Variants in IL1RAPL1 observed in about 807,000 individuals in gnomAD.
The protein encoded by IL1RAPL1 is interleukin 1 receptor accessory protein like 1.
In IL1RAPL1, 3 loss-of-function variants were observed where a neutral mutation model predicts 48.4. The observed-to-expected ratio is 0.06, with a 90% CI of 0.03 to 0.16. The LOEUF is 0.16. Among genes scored for constraint, IL1RAPL1 ranks in the 10% least tolerant of loss-of-function variants. The probability of loss-of-function intolerance (pLI) is 1.00; values close to 1 mark genes in which losing one functional copy is unlikely to be tolerated. For synonymous variants in IL1RAPL1, 185 were observed against 187.7 expected, an observed-to-expected ratio of 0.99 and a Z score of 0.12; for missense variants, 349 against 530.6, an observed-to-expected ratio of 0.66 and a Z score of 3.36.
At chrX:28,625,504 A>G (rs926258338) in intron 1 of IL1RAPL1, among the ~76,000 whole-genome samples, 4 of 111,654 alleles carry the variant, frequency 3.6e-5, no homozygotes, top group African/African-American at 1.3e-4. Flanking sequence ...AACACATGGG[A>G]AGGGCAGCTC....
At position 28,783,874 on chromosome X, in the gene IL1RAPL1, G is replaced by A. The variant is rs542368506; in HGVS notation, c.-24-5446G>A. ...ACTTTCCATGGATTCTTGAGAAGTC[G>A]TCTCTCATAACATGTATCCCTTTGC... is the stretch of plus-strand genomic sequence containing the variant. On this transcript the variant is annotated intron_variant, in intron 1 of 10. Transcript: ENST00000378993. 5.8e-4 allele frequency among the ~76,000 whole-genome samples: 64 copies of A among 111,226 alleles called. 1 individual carries two copies. In the South Asian group the frequency reaches 0.019, roughly 34 times the overall value.
chrX:29,151,879 C>G (rs2147499102), intron 2 of IL1RAPL1, among the ~76,000 whole-genome samples: 1 of 111,825 alleles, frequency 8.9e-6, no homozygotes, highest in South Asian at 3.8e-4. Context: ...AGAAAAGATA[C>G]TGGCCAGGGG....
intron 5 of IL1RAPL1, among the ~76,000 whole-genome samples, chrX:29,471,511 T>C (rs977841669): frequency 9.0e-6 from 1 of 111,250 alleles, no homozygotes; most frequent in African/African-American, 3.3e-5. Flanking sequence ...TGGGGAGACA[T>C]GTGCCCTTCT....
intron 5 of IL1RAPL1, among the ~76,000 whole-genome samples, chrX:29,626,643 G>A (rs1314731658): frequency 9.5e-6 from 1 of 105,210 alleles, no homozygotes; most frequent in Non-Finnish European, 1.9e-5. Context: ...ATTCTAAAAA[G>A]AGAGAGAAGA....
intron 2 of IL1RAPL1, among the ~76,000 whole-genome samples, chrX:29,002,388 G>A (rs1925875615): frequency 9.0e-6 from 1 of 110,951 alleles, no homozygotes; most frequent in African/African-American, 3.3e-5. Flanking sequence ...TGGAAGGAGG[G>A]AAGGCCAGTG....
At chrX:29,756,385 T>C (rs986569069) in intron 6 of IL1RAPL1, among the ~76,000 whole-genome samples, 2 of 111,856 alleles carry the variant, frequency 1.8e-5, no homozygotes, top group African/African-American at 6.5e-5. Flanking sequence ...TATTGTATTA[T>C]TTGAATTATT....
rs148441827 is a variant in IL1RAPL1 at position 29,573,851 on chromosome X, A to T, written c.704-94579A>T. Among the ~76,000 whole-genome samples, 7 of 111,932 alleles carry T rather than the reference A, an allele frequency of 6.3e-5. No homozygotes were observed. The East Asian group carries it at 2.0e-3, about 32-fold the overall frequency. On this transcript the variant is annotated intron_variant, in intron 5 of 10. Transcript: ENST00000378993. ...AATGGTATATGTCAACTATTTTATG[A>T]TAAAAATGTCCCCCGTGGATGGATG...
chrX:28,593,886 T>TA (rs1933928130), intron 1 of IL1RAPL1, among the ~76,000 whole-genome samples: 1 of 111,191 alleles, frequency 9.0e-6, no homozygotes, highest in Middle Eastern at 4.8e-3. Flanking sequence ...CCTTTTTAAT[T>TA]AAAAAAATTC....
At chrX:29,326,110 T>C (rs150164076) in intron 3 of IL1RAPL1, among the ~76,000 whole-genome samples, 169 of 112,442 alleles carry the variant, frequency 1.5e-3, no homozygotes, top group Middle Eastern at 9.3e-3. Flanking sequence ...TGTAGCTACA[T>C]AGAAACACCA....
chrX:29,429,828 A>G (rs1483064938), intron 5 of IL1RAPL1, among the ~76,000 whole-genome samples: 4 of 109,279 alleles, frequency 3.7e-5, no homozygotes, highest in African/African-American at 1.3e-4. Context: ...ACCTCATATC[A>G]GTCATTCATT....
At chrX:28,853,584 C>A (rs925691312) in intron 2 of IL1RAPL1, among the ~76,000 whole-genome samples, 4 of 111,256 alleles carry the variant, frequency 3.6e-5, no homozygotes, top group Non-Finnish European at 5.7e-5. Flanking sequence ...TAAATAAAGG[C>A]AGCCATAATG....
At chrX:28,964,236 C>A (rs1163358434) in intron 2 of IL1RAPL1, among the ~76,000 whole-genome samples, 1 of 111,643 alleles carries the variant, frequency 9.0e-6, no homozygotes, top group African/African-American at 3.2e-5. Flanking sequence ...GGAATAAACA[C>A]ATTTGAGACT....
chrX:28,660,322 C>T (rs1934808211), intron 1 of IL1RAPL1, among the ~76,000 whole-genome samples: 1 of 110,650 alleles, frequency 9.0e-6, no homozygotes, highest in Admixed American at 9.7e-5. Flanking sequence ...TGTTTCTTCT[C>T]TTTTTTATCC....
chrX:29,478,950 T>C (rs1935006798), intron 5 of IL1RAPL1, among the ~76,000 whole-genome samples: 1 of 111,180 alleles, frequency 9.0e-6, no homozygotes, highest in Admixed American at 9.6e-5. Flanking sequence ...CTTAATATTT[T>C]ATATATTAAA....
intron 3 of IL1RAPL1, among the ~76,000 whole-genome samples, chrX:29,284,353 A>G (rs970220234): frequency 2.7e-5 from 3 of 112,604 alleles, no homozygotes; most frequent in African/African-American, 9.7e-5. Flanking sequence ...TTCTAACACT[A>G]GCAACATATA....
At chrX:28,656,841 A>G (rs991570792) in intron 1 of IL1RAPL1, among the ~76,000 whole-genome samples, 19 of 109,577 alleles carry the variant, frequency 1.7e-4, no homozygotes, top group Non-Finnish European at 3.4e-4. Flanking sequence ...CCTGGCTAAC[A>G]CGGTGAAACC....
At chrX:29,688,290 C>A in intron 6 of IL1RAPL1, among the ~76,000 whole-genome samples, 1 of 111,155 alleles carries the variant, frequency 9.0e-6, no homozygotes, top group Middle Eastern at 4.7e-3. Context: ...CTTCCAAGGT[C>A]TATGGCTGTC....
chrX:29,123,437 C>T (rs185766941), intron 2 of IL1RAPL1, among the ~76,000 whole-genome samples: 2 of 112,114 alleles, frequency 1.8e-5, no homozygotes, highest in Non-Finnish European at 3.8e-5. Flanking sequence ...AAAATATATT[C>T]AGTTAATACA....
chrX:29,919,909 C>G, intron 7 of IL1RAPL1, 40 bp from the exon 8 acceptor site: 1 of 1,153,882 alleles, frequency 8.7e-7, no homozygotes, highest in Non-Finnish European at 1.2e-6. Context: ...GTGTATGTGT[C>G]TGTTTGTGTG....
Sources: allele counts gnomAD v4.1 joint callset (sites outside exome capture counted in the v4.1 genomes callset), GRCh38; gene constraint gnomAD v4.1.1; transcripts MANE v1.5; gene names NCBI Gene and HGNC (gene_info 2026-07-23, HGNC 2026-07-21).